The following SEMA4C variants were observed in gnomAD, a reference collection of about 807,000 sequenced individuals.
The protein encoded by SEMA4C is semaphorin-4C.
In SEMA4C, 19 loss-of-function variants were observed where a neutral mutation model predicts 89.0. That is an observed-to-expected ratio of 0.21 (90% CI 0.15 to 0.31). The LOEUF (loss-of-function observed/expected upper bound fraction) is 0.31, where lower values mean the gene tolerates loss of function less well. SEMA4C is among the 10% of genes least tolerant of loss of function. The pLI, the probability that SEMA4C is intolerant of heterozygous loss-of-function variation, is 1.00. For synonymous variants in SEMA4C, 428 were observed against 472.7 expected (o/e 0.91, Z 1.23); for missense variants, 811 against 1,107.0 (o/e 0.73, Z 3.79).
intron 12 of SEMA4C, chr2:96,862,142 A>C (rs1242698027): frequency 1.9e-6 from 1 of 514,742 alleles, no homozygotes; most frequent in African/African-American, 1.9e-5. Context: ...TGACGTTATT[A>C]GAAAGGGATG....
intron 2 of SEMA4C, among the ~76,000 whole-genome samples, chr2:96,867,433 G>C (rs2080101203): frequency 6.6e-6 from 1 of 152,038 alleles, no homozygotes; most frequent in African/African-American, 2.4e-5. Flanking sequence ...GGAGGTCTTA[G>C]GGGGGCCTGG....
chr2:96,869,699 A>C (rs1365399790), intron 1 of SEMA4C, 177 bp downstream of exon 1: 1 of 984,808 alleles, frequency 1.0e-6, no homozygotes, highest in Admixed American at 6.2e-5. Flanking sequence ...AGACCCTGCG[A>C]AGCAGCCGCG....
Position 96,864,173 on chromosome 2 carries a change from G to A in SEMA4C, c.1108-25C>T. On this transcript the variant is annotated intron_variant, in intron 10 of 14. Transcript: ENST00000305476. This position sits in a 1 kb window ranked among gnomAD's most constrained non-coding sequence, Gnocchi z 6.3. ...ACTGGGGGCAGGGTGTGGGGGGCAG[G>A]CCATCAGCAGGGTGGGATGGCACCG... The A allele has an allele frequency of 6.2e-7, 1 of 1,612,590 alleles. No homozygotes were observed. Among genetic ancestry groups the A allele is most frequent in the Non-Finnish European group, 8.5e-7 (1 of 1,179,788 alleles).
chr2:96,865,225 A>G lies in SEMA4C; in HGVS notation c.613T>C (p.Tyr205His). Residue 205 changes from tyrosine (Y) to histidine (H), a missense_variant, in exon 7 of 15, where the codon TAC becomes CAC. Around this residue, in one of 4 missense-constraint regions of SEMA4C, gnomAD observed 441 missense variants for 664.9 expected, o/e 0.66. Transcript: ENST00000305476. The part of the protein sequence containing the change: ...MGPHHSMKTE[Y>H]LAFWLNEPHF... Reference sequence around the variant, plus strand: ...TCACCGTTGAGCCAAAAGGCCAGGTACTCTGTCTTCATGGAGTGGTGGGGC... The same window carrying G: ...TCACCGTTGAGCCAAAAGGCCAGGTGCTCTGTCTTCATGGAGTGGTGGGGC... 6.2e-7 allele frequency: 1 copy of G among 1,613,962 alleles called. No homozygotes were observed. The highest frequency in any genetic ancestry group is 1.3e-5 in the African/African-American group (1 of 75,016).
In SEMA4C at chr2:96,864,475, C is replaced by T. The variant is rs538486391; in HGVS notation, c.963-93G>A. On this transcript the variant is annotated intron_variant, in intron 9 of 14. Coordinates refer to ENST00000305476, the MANE Select transcript of SEMA4C (RefSeq NM_017789.5). The surrounding 1 kb of genome is among the most constrained non-coding windows in gnomAD (Gnocchi z 6.3). ...AGCAGCAGGAAGGCAGGGCCTGGCA[C>T]AAACTGGCCATGGGTACCAGAATGC... The T allele has an allele frequency of 2.8e-5, 44 of 1,553,948 alleles. No homozygotes were observed. In the African/African-American group the frequency reaches 5.4e-4, roughly 19 times the overall value.
chr2:96,870,735 A>C, upstream of SEMA4C: 3 of 985,474 alleles, frequency 3.0e-6, no homozygotes, highest in Non-Finnish European at 3.6e-6. Flanking sequence ...TGGAAGGCTG[A>C]TTAACAAGTG....
intron 1 of SEMA4C, chr2:96,868,598 G>A: frequency 1.0e-6 from 1 of 985,680 alleles, no homozygotes; most frequent in Non-Finnish European, 1.2e-6. Context: ...GAGGCAGGAA[G>A]TGGGTGGGAT....
In SEMA4C at chr2:96,864,226, C is replaced by T. The variant is rs2080017168; in HGVS notation, c.1107+12G>A. Reference sequence around the variant, plus strand: ...GCTGGGTGGGGAGATGCATCCCTGCCCTAGCACTCACCGAGCCAGGCCGAG... The same window carrying T: ...GCTGGGTGGGGAGATGCATCCCTGCTCTAGCACTCACCGAGCCAGGCCGAG... On this transcript the variant is annotated intron_variant, in intron 10 of 14. Transcript: ENST00000305476. The surrounding 1 kb of genome is among the most constrained non-coding windows in gnomAD (Gnocchi z 6.3). 6.2e-7 allele frequency: 1 copy of T among 1,613,726 alleles called. No homozygotes were observed. The highest frequency in any genetic ancestry group is 8.5e-7 in the Non-Finnish European group (1 of 1,179,996).
At chr2:96,869,428 G>A in intron 1 of SEMA4C, 2 of 985,242 alleles carry the variant, frequency 2.0e-6, no homozygotes, top group South Asian at 4.7e-5. Context: ...CTCGGCCCGG[G>A]GGCCTGGCTT....
In SEMA4C at chr2:96,860,693, T is replaced by C; in HGVS notation, c.2435A>G (p.Glu812Gly). 1 of 1,613,492 alleles carries C rather than the reference T, an allele frequency of 6.2e-7. No individual in the cohort carries two copies. Among genetic ancestry groups the C allele is most frequent in the South Asian group, 1.1e-5 (1 of 91,072 alleles). The change falls in exon 15 of 15, where the codon GAA (glutamate) becomes GGA (glycine). Residue 812 changes from glutamate to glycine, a missense_variant. Physicochemically the swap from Glu to Gly is moderately conservative, Grantham distance 98 (BLOSUM62 -2). This residue lies in a region of SEMA4C where 248 missense variants were observed against 269.0 expected (regional missense o/e 0.92). Coordinates refer to ENST00000305476, the MANE Select transcript of SEMA4C (RefSeq NM_017789.5). Reference protein sequence around the residue: ...LGHPLPELADELRRKLQQRQP... With the variant: ...LGHPLPELADGLRRKLQQRQP... Reference sequence around the variant, plus strand: ...GCGTTGCTGCAGTTTGCGTCTCAGTTCATCCGCGAGCTCAGGCAGGGGGTG... The same window carrying C: ...GCGTTGCTGCAGTTTGCGTCTCAGTCCATCCGCGAGCTCAGGCAGGGGGTG...
At chr2:96,862,721 G>T (rs529578461) in intron 12 of SEMA4C, 321 of 152,392 alleles carry the variant, frequency 2.1e-3, no homozygotes, top group Admixed American at 4.1e-3. Context: ...AATTAGCCAG[G>T]CGTGGTGATG....
At position 96,859,872 on chromosome 2, in the gene SEMA4C, C is replaced by G. The variant is rs2079901592; in HGVS notation, c.*754G>C. ...CTGGAAGAGAGTATGCCATTGTCCA[C>G]AGCAGGCCCACCCTCTCCCTTCTCT... is the stretch of plus-strand genomic sequence containing the variant. On this transcript the variant is annotated 3_prime_UTR_variant, in exon 15 of 15. Coordinates refer to ENST00000305476, the MANE Select transcript of SEMA4C (RefSeq NM_017789.5). The G allele has an allele frequency of 6.6e-6, 1 of 152,326 alleles. No homozygotes were observed. Among genetic ancestry groups the G allele is most frequent in the Admixed American group, 6.5e-5 (1 of 15,290 alleles). The allele number at this position is 152,326 out of a possible 1,614,324, so 9.4% of individuals were successfully genotyped here.
At chr2:96,867,483 G>A (rs575717909) in intron 2 of SEMA4C, among the ~76,000 whole-genome samples, 2 of 152,276 alleles carry the variant, frequency 1.3e-5, no homozygotes, top group East Asian at 1.9e-4. Flanking sequence ...ATTTATCCCG[G>A]TTCCAGTTTC....
rs746164789 is a variant in SEMA4C at position 96,865,670 on chromosome 2, T to C, written c.416A>G (p.Tyr139Cys). The C allele has an allele frequency of 6.2e-7, 1 of 1,613,842 alleles. No individual in the cohort carries two copies. ...AGGTAGGAGGGCAGCACTCACGACG[T>C]AGGTGCACTTGGGCTGGAAGGCGTA... Reference protein sequence around the residue: ...GTYAFQPKCTYVNMLTFTLEH... With the variant: ...GTYAFQPKCTCVNMLTFTLEH... The change falls in exon 5 of 15, where the codon TAC (tyrosine) becomes TGC (cysteine). Residue 139 changes from tyrosine (Y) to cysteine (C), a missense_variant. By Grantham distance (194) the Tyr-to-Cys change is radical. Around this residue, in one of 4 missense-constraint regions of SEMA4C, gnomAD observed 441 missense variants for 664.9 expected, o/e 0.66. Coordinates refer to ENST00000305476, the MANE Select transcript of SEMA4C (RefSeq NM_017789.5).
Position 96,864,772 on chromosome 2 carries a change from C to T in SEMA4C, c.895G>A (p.Ala299Thr), listed in dbSNP as rs746895608. The T allele has an allele frequency of 1.9e-6, 3 of 1,613,858 alleles. No homozygotes were observed. ...GAGGTGTCCTGCAGGGTGTGCATCG[C>T]CTGCAGCTGGTTGAAGTAGAGCTGC... is the stretch of plus-strand genomic sequence containing the variant. ...NWQLYFNQLQAMHTLQDTSWH... is the reference protein window; with the variant it reads ...NWQLYFNQLQTMHTLQDTSWH... The change falls in exon 9 of 15, where the codon GCG becomes ACG. Residue 299 changes from alanine (A) to threonine (T), a missense_variant. Coordinates refer to ENST00000305476, the MANE Select transcript of SEMA4C (RefSeq NM_017789.5). This position sits in a 1 kb window ranked among gnomAD's most constrained non-coding sequence, Gnocchi z 6.3.
intron 11 of SEMA4C, 45 bp downstream of exon 11, chr2:96,863,881 T>G: frequency 6.3e-7 from 1 of 1,597,650 alleles, no homozygotes; most frequent in Middle Eastern, 1.7e-4. Context: ...CACACGGGCT[T>G]CTGCCCAGCC....
At chr2:96,866,235 C>T (rs1448700303) in intron 3 of SEMA4C, 48 bp downstream of exon 3, 2 of 1,569,690 alleles carry the variant, frequency 1.3e-6, no homozygotes, top group Non-Finnish European at 1.7e-6. Context: ...CCCCTCTGGG[C>T]CTTGCCCTCT....
chr2:96,860,905 G>C lies in SEMA4C; in HGVS notation c.2223C>G (p.Gly741=). 6.2e-7 allele frequency: 1 copy of C among 1,613,162 alleles called. No individual in the cohort carries two copies. The highest frequency in any genetic ancestry group is 8.5e-7 in the Non-Finnish European group (1 of 1,180,020). Residue 741 remains glycine, a synonymous_variant, in exon 15 of 15, where the codon GGC becomes GGG. Transcript: ENST00000305476. The part of the protein sequence containing the change: ...WDPVGYYYSD[G]SLKIVPGHAR... ...CATGCCCAGGTACTATCTTAAGGGA[G>C]CCATCTGAATAGTAGTAACCGACAG...
In SEMA4C at chr2:96,864,889, C is replaced by T. The variant is rs185401533; in HGVS notation, c.787-9G>A. 1.1e-3 allele frequency: 1,773 copies of T among 1,612,382 alleles called. 50 individuals are homozygous for T. In the East Asian group the frequency reaches 0.016, roughly 15 times the overall value. On this transcript the variant is annotated splice_polypyrimidine_tract_variant and intron_variant, in intron 8 of 14. Coordinates refer to ENST00000305476, the MANE Select transcript of SEMA4C (RefSeq NM_017789.5). This position sits in a 1 kb window ranked among gnomAD's most constrained non-coding sequence, Gnocchi z 6.3. The stretch of plus-strand genomic sequence containing the variant: ...GCGCCCCCCATATCGCCCTGGCAGA[C>T]GGCAAGGGGACACTGCCGGTCAGCC...
Sources: gnomAD v4.1 joint callset for allele counts (sites outside exome capture counted in the v4.1 genomes callset) on GRCh38, gnomAD v4.1.1 for gene constraint, gnomAD v4.1.1 regional missense constraint, Gnocchi (gnomAD v3.1) non-coding constraint, MANE v1.5 for transcripts, NCBI Gene and HGNC (gene_info 2026-07-23, HGNC 2026-07-21) for gene names.